The following TNK2 variants were observed in gnomAD, a reference collection of about 807,000 sequenced individuals.
The protein encoded by TNK2 is tyrosine kinase non receptor 2.
A neutral mutation model predicts 101.8 loss-of-function variants in TNK2; 83 were observed. That is an observed-to-expected ratio of 0.82 (90% CI 0.68 to 0.98). The LOEUF (loss-of-function observed/expected upper bound fraction) is 0.98. TNK2 is among the 50% of genes least tolerant of loss of function. The pLI, the probability that TNK2 is intolerant of heterozygous loss-of-function variation, is 0.00. For missense variants in TNK2, 1,665 were observed against 1,483.2 expected, an observed-to-expected ratio of 1.12 and a Z score of -2.01; for synonymous variants, 804 against 633.0, an observed-to-expected ratio of 1.27 and a Z score of -4.06.
chr3:195,889,618 A>G (rs1178039386), intron 1 of TNK2, among the ~76,000 whole-genome samples: 1 of 152,240 alleles, frequency 6.6e-6, no homozygotes, highest in Non-Finnish European at 1.5e-5. Flanking sequence ...TCAGATCTGA[A>G]AAGCATGCAC....
Position 195,885,889 on chromosome 3 carries a change from C to T in TNK2, c.235-856G>A, listed in dbSNP as rs1037713808. On this transcript the variant is annotated intron_variant, in intron 3 of 15. Coordinates refer to ENST00000672887, the MANE Select transcript of TNK2 (RefSeq NM_001382273.1). This position sits in a 1 kb window ranked among gnomAD's most constrained non-coding sequence, Gnocchi z 4.7. ...CCCCCAGAGCTGGTGGATCCTTATC[C>T]GTCTGGGCTAGGGTGCCTCAAATCT... The T allele has an allele frequency of 8.1e-5, 24 of 297,748 alleles. 2 individuals are homozygous for T. The highest frequency in any genetic ancestry group is 4.4e-4 in the South Asian group (15 of 34,044). 18.4% of individuals were successfully genotyped at this position (297,748 alleles called of 1,614,324 possible). A position where few individuals can be genotyped will look rare whatever the true frequency, so the allele number is the denominator to read the frequency against.
intron 1 of TNK2, among the ~76,000 whole-genome samples, chr3:195,905,263 A>C (rs1170935370): frequency 6.6e-6 from 1 of 152,088 alleles, no homozygotes; most frequent in East Asian, 1.9e-4. Context: ...GCAGTGGCGC[A>C]ATCTTGGCTC....
At chr3:195,901,080 T>C (rs1380611133) in intron 1 of TNK2, among the ~76,000 whole-genome samples, 2 of 152,196 alleles carry the variant, frequency 1.3e-5, no homozygotes, top group African/African-American at 4.8e-5. Flanking sequence ...TGGGAACATG[T>C]CACCTAGAGC....
intron 6 of TNK2, 24 bp from the exon 7 acceptor site, chr3:195,879,199 G>A (rs1444065316): frequency 6.2e-7 from 1 of 1,612,026 alleles, no homozygotes; most frequent in Non-Finnish European, 8.5e-7. Flanking sequence ...GGGTCAAAGA[G>A]AAGCCCTCTC....
chr3:195,872,878 G>A (rs780290436), intron 9 of TNK2: 32 of 186,528 alleles, frequency 1.7e-4, no homozygotes, highest in Admixed American at 3.9e-4. Context: ...TGGCAAGGCC[G>A]GGGCCCCAGT....
intron 1 of TNK2, chr3:195,895,156 C>A: frequency 7.8e-7 from 1 of 1,289,772 alleles, no homozygotes; most frequent in East Asian, 3.0e-5. Flanking sequence ...CTCCTGAGGC[C>A]GCCGCAGGGG....
At position 195,884,952 on chromosome 3, in the gene TNK2, C is replaced by T. The variant is rs1281350727; in HGVS notation, c.316G>A (p.Gly106Arg). ...AGGGGCCCCTCCCCTGCTGGGCCCC[C>T]AGGGGCGGGCGAGGTCTTCCGGAAG... ...STFRKTSPAP[G>R]GPAGEGPLQS... Residue 106 changes from glycine to arginine, a missense_variant, in exon 4 of 16, where the codon GGG becomes AGG. Gly to Arg is a moderately radical substitution (Grantham distance 125). Around this residue, in one of 3 missense-constraint regions of TNK2, gnomAD observed 490 missense variants for 522.5 expected, o/e 0.94. Coordinates refer to ENST00000672887, the MANE Select transcript of TNK2 (RefSeq NM_001382273.1). 4 of 1,613,904 alleles carry T rather than the reference C, an allele frequency of 2.5e-6. No individual in the cohort carries two copies. The highest frequency in any genetic ancestry group is 2.5e-6 in the Non-Finnish European group (3 of 1,179,892).
At chr3:195,899,758 C>T (rs1476866470) in intron 1 of TNK2, among the ~76,000 whole-genome samples, 1 of 152,230 alleles carries the variant, frequency 6.6e-6, no homozygotes, top group Non-Finnish European at 1.5e-5. Context: ...GTGGTCTGTA[C>T]ATCGTAAGGG....
At chr3:195,907,144 T>C (rs1206510923) in intron 1 of TNK2, among the ~76,000 whole-genome samples, 1 of 152,200 alleles carries the variant, frequency 6.6e-6, no homozygotes, top group Non-Finnish European at 1.5e-5. Flanking sequence ...AGATTGTGTG[T>C]ATGTGTTTAA....
chr3:195,864,701 G>A (rs1330059490), intron 15 of TNK2, among the ~76,000 whole-genome samples: 1 of 144,466 alleles, frequency 6.9e-6, no homozygotes, highest in Non-Finnish European at 1.5e-5. Context: ...CGTCCCAGAT[G>A]CAAATCAGTA....
At chr3:195,894,092 C>T (rs1433080048) in intron 1 of TNK2, among the ~76,000 whole-genome samples, 1 of 152,186 alleles carries the variant, frequency 6.6e-6, no homozygotes, top group Non-Finnish European at 1.5e-5. Context: ...CTGACTTTTC[C>T]CCAAACCTTG....
intron 9 of TNK2, among the ~76,000 whole-genome samples, chr3:195,876,041 T>C (rs563439280): frequency 6.6e-6 from 1 of 152,290 alleles, no homozygotes; most frequent in African/African-American, 2.4e-5. Context: ...ATAACCCGGA[T>C]GCCTGGCTCC....
intron 10 of TNK2, among the ~76,000 whole-genome samples, chr3:195,871,177 G>A (rs1405065852): frequency 1.3e-5 from 2 of 151,888 alleles, no homozygotes; most frequent in Non-Finnish European, 2.9e-5. Flanking sequence ...GAGGCTTGGA[G>A]GCCTGGCGCA....
chr3:195,869,598 G>C (rs1743487805), intron 11 of TNK2, 57 bp from the exon 12 acceptor site: 1 of 1,520,494 alleles, frequency 6.6e-7, no homozygotes, highest in Non-Finnish European at 8.9e-7. Flanking sequence ...AGAGGACAAA[G>C]GAGGGAGACG....
At chr3:195,874,003 T>C (rs1040971597) in intron 9 of TNK2, among the ~76,000 whole-genome samples, 3 of 151,436 alleles carry the variant, frequency 2.0e-5, no homozygotes, top group Admixed American at 6.6e-5. Context: ...ATCTGAAAAA[T>C]AGCAGGGCCA....
At chr3:195,883,420 C>T (rs1011457028) in intron 4 of TNK2, 111 bp from the exon 5 acceptor site, 23 of 1,326,846 alleles carry the variant, frequency 1.7e-5, no homozygotes, top group Non-Finnish European at 2.3e-5. Context: ...GTGAGCTCCT[C>T]ATCTGGGTGG....
intron 9 of TNK2, among the ~76,000 whole-genome samples, chr3:195,875,858 CAG>C (rs1396381219): frequency 1.3e-5 from 2 of 152,328 alleles, no homozygotes; most frequent in Admixed American, 6.5e-5. Context: ...AGATGGAAAA[CAG>C]AGGCCGGTGC....
At chr3:195,869,464 G>A (rs368206681) in intron 12 of TNK2, 33 bp downstream of exon 12, 109 of 1,548,616 alleles carry the variant, frequency 7.0e-5, no homozygotes, top group Non-Finnish European at 8.5e-5. Flanking sequence ...GGGCGGGGGC[G>A]GGGGCCAAGG....
intron 9 of TNK2, among the ~76,000 whole-genome samples, chr3:195,874,576 A>G (rs1325256545): frequency 7.9e-6 from 1 of 126,132 alleles, no homozygotes; most frequent in Non-Finnish European, 1.7e-5. Context: ...AGGCACAAGA[A>G]GCTCCCCCTC....
Sources: gnomAD v4.1 joint callset for allele counts (sites outside exome capture counted in the v4.1 genomes callset) on GRCh38, gnomAD v4.1.1 for gene constraint, gnomAD v4.1.1 regional missense constraint, Gnocchi (gnomAD v3.1) non-coding constraint, MANE v1.5 for transcripts, NCBI Gene and HGNC (gene_info 2026-07-23, HGNC 2026-07-21) for gene names.